DCTN4: variants seen among roughly 807,000 people sequenced by gnomAD.
DCTN4 encodes the protein dynactin 4 (p62).
In DCTN4, 23 loss-of-function variants were observed where a neutral mutation model predicts 62.7. That is an observed-to-expected ratio of 0.37 (90% CI 0.26 to 0.52). The LOEUF is 0.52. DCTN4 is among the 20% of genes least tolerant of loss of function. The probability of loss-of-function intolerance (pLI) is 0.92; values close to 1 mark genes in which losing one functional copy is unlikely to be tolerated. For synonymous variants in DCTN4, 199 were observed against 202.1 expected (o/e 0.98, Z 0.13); for missense variants, 514 against 580.4 (o/e 0.89, Z 1.18).
intron 3 of DCTN4, chr5:150,742,756 C>T (rs1296630071): frequency 6.6e-6 from 1 of 152,498 alleles, no homozygotes; most frequent in Non-Finnish European, 1.5e-5. Context: ...AAAAACAAAA[C>T]AAAAACCTCA....
intron 10 of DCTN4, 56 bp from the exon 11 acceptor site, chr5:150,718,439 C>A: frequency 1.6e-6 from 2 of 1,266,968 alleles, no homozygotes; most frequent in South Asian, 1.3e-5. Flanking sequence ...GCTGCTATAC[C>A]GAATATTTCG....
chr5:150,724,297 A>G (rs1055591176), intron 8 of DCTN4, among the ~76,000 whole-genome samples: 7 of 152,046 alleles, frequency 4.6e-5, no homozygotes, highest in Non-Finnish European at 1.0e-4. Flanking sequence ...GTTAGGATCT[A>G]CTGGTTATTT....
chr5:150,741,085 A>C (rs1380491190), intron 4 of DCTN4, among the ~76,000 whole-genome samples: 1 of 147,808 alleles, frequency 6.8e-6, no homozygotes, highest in Non-Finnish European at 1.5e-5. Context: ...GGATTGCTTA[A>C]GCCTGGGAGG....
At chr5:150,740,499 T>C (rs1760729394) in intron 4 of DCTN4, among the ~76,000 whole-genome samples, 1 of 152,184 alleles carries the variant, frequency 6.6e-6, no homozygotes, top group Non-Finnish European at 1.5e-5. Context: ...TGGAGATTCC[T>C]TAAAGAACTA....
chr5:150,754,138 A>G (rs1054477948), intron 2 of DCTN4, among the ~76,000 whole-genome samples: 19 of 152,238 alleles, frequency 1.2e-4, no homozygotes, highest in African/African-American at 4.6e-4. Flanking sequence ...CAGAAGCAGC[A>G]TATTTTCAGG....
intron 8 of DCTN4, among the ~76,000 whole-genome samples, chr5:150,723,852 T>A (rs576775504): frequency 3.7e-4 from 57 of 152,346 alleles, no homozygotes; most frequent in Non-Finnish European, 7.6e-4. Context: ...ATTCTCTTGC[T>A]TTTTTCATTT....
chr5:150,732,929 A>G (rs1198501117), intron 5 of DCTN4, among the ~76,000 whole-genome samples: 2 of 152,182 alleles, frequency 1.3e-5, no homozygotes, highest in Non-Finnish European at 2.9e-5. Flanking sequence ...ATCTTGGAGA[A>G]ACAGGGGAGG....
At chr5:150,756,326 ACCATGCCTGGC>A (rs753454758) in intron 2 of DCTN4, 80 bp downstream of exon 2, 30 of 882,130 alleles carry the variant, frequency 3.4e-5, no homozygotes, top group Non-Finnish European at 5.0e-5. Context: ...GGCGTGAGCC[ACCATGCCTGGC>A]CCATGTGTCT....
At chr5:150,712,515 C>T (rs1759608570) in intron 12 of DCTN4, among the ~76,000 whole-genome samples, 1 of 152,130 alleles carries the variant, frequency 6.6e-6, no homozygotes, top group African/African-American at 2.4e-5. Flanking sequence ...GTAGCCTTGA[C>T]CTCCTAAGCT....
In DCTN4 at chr5:150,733,378, A is replaced by G. The variant is rs1581582992; in HGVS notation, c.527T>C (p.Leu176Pro). The G allele has an allele frequency of 1.2e-6, 2 of 1,611,508 alleles. No homozygotes were observed. Among genetic ancestry groups the G allele is most frequent in the Non-Finnish European group, 1.7e-6 (2 of 1,178,780 alleles). Reference sequence around the variant, plus strand: ...GTACCAAATTCTCACCGAAAAAGCCAGAGGCATATAGTTTCTACGTCGTGC... The same window carrying G: ...GTACCAAATTCTCACCGAAAAAGCCGGAGGCATATAGTTTCTACGTCGTGC... ...KLARRRNYMPLAFSDKYGLGT... is the reference protein window; with the variant it reads ...KLARRRNYMPPAFSDKYGLGT... The change falls in exon 5 of 13, where the codon CTG becomes CCG. Residue 176 changes from leucine to proline, a missense_variant. Physicochemically the swap from Leu to Pro is moderately conservative, Grantham distance 98. Coordinates refer to ENST00000447998, the MANE Select transcript of DCTN4 (RefSeq NM_016221.4).
intron 8 of DCTN4, among the ~76,000 whole-genome samples, chr5:150,726,153 T>C (rs1760137890): frequency 6.6e-6 from 1 of 152,202 alleles, no homozygotes; most frequent in Non-Finnish European, 1.5e-5. Flanking sequence ...GAATGTTGTT[T>C]GAAATAACTG....
chr5:150,746,555 C>A (rs572461987), intron 3 of DCTN4, among the ~76,000 whole-genome samples: 96 of 152,196 alleles, frequency 6.3e-4, no homozygotes, highest in Admixed American at 2.2e-3. Flanking sequence ...TACTGGCAAA[C>A]CGAATGCAGC....
chr5:150,740,246 T>C (rs6867300), intron 4 of DCTN4, among the ~76,000 whole-genome samples: 35,470 of 151,776 alleles, frequency 0.23, 9,320 homozygotes, highest in African/African-American at 0.65. Context: ...ATAATCCCAT[T>C]AAAAAGTAGG....
At chr5:150,746,943 A>G (rs888177013) in intron 3 of DCTN4, among the ~76,000 whole-genome samples, 12 of 152,294 alleles carry the variant, frequency 7.9e-5, no homozygotes, top group South Asian at 4.2e-4. Context: ...GGCCAGGGCA[A>G]TCAGGCAGGA....
Position 150,758,027 on chromosome 5 carries a change from T to C in DCTN4, c.135+832A>G, listed in dbSNP as rs1010306712. ...CATAAAGCACATGACATATAGCAAG[T>C]ATCGAATAAGCAGCAACTATTACTA... is the stretch of plus-strand genomic sequence containing the variant. On this transcript the variant is annotated intron_variant, in intron 1 of 12. Transcript: ENST00000447998. 4 of 933,740 alleles carry C rather than the reference T, an allele frequency of 4.3e-6. No homozygotes were observed. In the African/African-American group the frequency reaches 7.1e-5, roughly 17 times the overall value. The allele number at this position is 933,740 out of a possible 1,614,324, so 57.8% of individuals were successfully genotyped here.
chr5:150,757,285 A>G (rs1267245824), intron 1 of DCTN4, among the ~76,000 whole-genome samples: 1 of 152,212 alleles, frequency 6.6e-6, no homozygotes, highest in East Asian at 1.9e-4. Flanking sequence ...AATATTGCTA[A>G]CTAACCTCTG....
chr5:150,758,433 A>G (rs12523628), intron 1 of DCTN4: 1 of 991,038 alleles, frequency 1.0e-6, no homozygotes, highest in Non-Finnish European at 1.2e-6. Flanking sequence ...TCTGGACAAA[A>G]GAGGAACAGA....
At chr5:150,757,033 T>C (rs561664022) in intron 1 of DCTN4, among the ~76,000 whole-genome samples, 2 of 152,360 alleles carry the variant, frequency 1.3e-5, no homozygotes, top group African/African-American at 4.8e-5. Context: ...CTTATTGTAC[T>C]TAAAAAACTG....
chr5:150,716,913 G>A (rs1483842296), intron 11 of DCTN4, among the ~76,000 whole-genome samples: 3 of 139,854 alleles, frequency 2.1e-5, no homozygotes, highest in Non-Finnish European at 3.0e-5. Flanking sequence ...GTGAGATTCC[G>A]TCTCAAAAAA....
Sources: allele counts gnomAD v4.1 joint callset (sites outside exome capture counted in the v4.1 genomes callset), GRCh38; gene constraint gnomAD v4.1.1; transcripts MANE v1.5; gene names NCBI Gene and HGNC (gene_info 2026-07-23, HGNC 2026-07-21).